Variants in SEPTIN5 observed in about 807,000 individuals in gnomAD.
SEPTIN5 encodes the protein septin-5.
SEPTIN5 carries 16 observed loss-of-function variants against 51.2 expected under a neutral mutation model. The observed-to-expected ratio is 0.31, with a 90% CI of 0.21 to 0.47. SEPTIN5 has a LOEUF of 0.47. Ranked by LOEUF, SEPTIN5 falls within the 20% of genes least tolerant of loss-of-function variation. SEPTIN5 has a pLI of 0.99. For missense variants in SEPTIN5, 376 were observed against 500.3 expected (o/e 0.75, Z 2.37); for synonymous variants, 208 against 191.2 (o/e 1.09, Z -0.72).
In SEPTIN5 at chr22:19,720,116, G is replaced by A. The variant is rs201213850; in HGVS notation, c.240G>A (p.Glu80=). ...CTTCCAGTGGCCCCTTCCCCGTAGA[G>A]CGCATCAGCCAGACGGTAGAGATTC... ...YKDRKLLSAE[E]RISQTVEILK... Residue 80 remains glutamate, a splice_region_variant and synonymous_variant, in exon 5 of 12, where the codon GAG becomes GAA. Coordinates refer to ENST00000455784, the MANE Select transcript of SEPTIN5 (RefSeq NM_002688.6). 115 of 1,612,952 alleles carry A rather than the reference G, an allele frequency of 7.1e-5. No individual in the cohort carries two copies. Among genetic ancestry groups the A allele is most frequent in the Non-Finnish European group, 7.5e-5 (88 of 1,180,018 alleles).
rs1180128576 is a variant in SEPTIN5 at position 19,714,700 on chromosome 22, G to A, written c.43+69G>A. ...CCGCCGCCCGCGCGCCTCTCACCGTGTCTCTCCGTCTCTCCCCCGCCCGCC... is the reference window on the plus strand; with the variant it reads ...CCGCCGCCCGCGCGCCTCTCACCGTATCTCTCCGTCTCTCCCCCGCCCGCC... On this transcript the variant is annotated intron_variant, in intron 1 of 11. Transcript: ENST00000455784. This position sits in a 1 kb window ranked among gnomAD's most constrained non-coding sequence, Gnocchi z 5.2. The A allele has an allele frequency of 1.8e-5, 28 of 1,532,030 alleles. No homozygotes were observed. Among genetic ancestry groups the A allele is most frequent in the Non-Finnish European group, 2.4e-5 (28 of 1,144,470 alleles). 94.9% of individuals were successfully genotyped at this position (1,532,030 alleles called of 1,614,324 possible). A position where few individuals can be genotyped will look rare whatever the true frequency, so the allele number is the denominator to read the frequency against.
In SEPTIN5 at chr22:19,719,869, A is replaced by C. The variant is rs1179337146; in HGVS notation, c.215A>C (p.Asp72Ala). ...HSLFLTDLYK[D>A]RKLLSAEERI... The stretch of plus-strand genomic sequence containing the variant: ...CTCTTCCTGACAGACTTGTACAAGG[A>C]CCGGAAGCTGCTCAGTGCTGAGGGT... Residue 72 changes from aspartate to alanine, a missense_variant, in exon 4 of 12, where the codon GAC becomes GCC. By Grantham distance (126) the Asp-to-Ala change is moderately radical. This residue lies in a region of SEPTIN5 where 287 missense variants were observed against 417.1 expected (regional missense o/e 0.69). Transcript: ENST00000455784. 6.2e-7 allele frequency: 1 copy of C among 1,612,974 alleles called. No homozygotes were observed. Among genetic ancestry groups the C allele is most frequent in the Non-Finnish European group, 8.5e-7 (1 of 1,179,926 alleles).
At chr22:19,722,069 A>C (rs1753833856) in intron 10 of SEPTIN5, 112 bp downstream of exon 10, 26 of 1,339,952 alleles carry the variant, frequency 1.9e-5, no homozygotes, top group South Asian at 1.5e-4. Flanking sequence ...ACCATTCCCT[A>C]AGCCCCCCCC....
At chr22:19,720,890 G>A in intron 8 of SEPTIN5, 21 bp downstream of exon 8, 1 of 1,602,246 alleles carries the variant, frequency 6.2e-7, no homozygotes, top group Non-Finnish European at 8.5e-7. Context: ...AGACTGGTGG[G>A]GCAGGGGGGA....
At position 19,722,621 on chromosome 22, in the gene SEPTIN5, A is replaced by T; in HGVS notation, c.*137A>T. 1 of 908,648 alleles carries T rather than the reference A, an allele frequency of 1.1e-6. No individual in the cohort carries two copies. 56.3% of individuals were successfully genotyped at this position (908,648 alleles called of 1,614,324 possible). ...TTTATTCTCAGCACCACCCCCTCCC[A>T]GGTCATTGTGTCTGTTTCCGAGGGG... On this transcript the variant is annotated 3_prime_UTR_variant, in exon 12 of 12. Transcript: ENST00000455784.
intron 2 of SEPTIN5, 138 bp from the exon 3 acceptor site, chr22:19,719,464 C>A: frequency 1.5e-6 from 1 of 678,422 alleles, no homozygotes; most frequent in Non-Finnish European, 2.5e-6. Flanking sequence ...CGGGCCCTCC[C>A]CTTATTTTTG....
At position 19,719,870 on chromosome 22, in the gene SEPTIN5, C is replaced by A; in HGVS notation, c.216C>A (p.Asp72Glu). The A allele has an allele frequency of 6.2e-7, 1 of 1,612,980 alleles. No homozygotes were observed. Among genetic ancestry groups the A allele is most frequent in the Non-Finnish European group, 8.5e-7 (1 of 1,179,924 alleles). ...HSLFLTDLYK[D>E]RKLLSAEERI... ...TCTTCCTGACAGACTTGTACAAGGA[C>A]CGGAAGCTGCTCAGTGCTGAGGGTG... The change falls in exon 4 of 12, where the codon GAC becomes GAA. Residue 72 changes from aspartate to glutamate, a missense_variant. By Grantham distance (45) the Asp-to-Glu change is conservative. Around this residue, in one of 2 missense-constraint regions of SEPTIN5, gnomAD observed 287 missense variants for 417.1 expected, o/e 0.69. Transcript: ENST00000455784.
rs770203065 is a variant in SEPTIN5 at position 19,722,501 on chromosome 22, AC to A, written c.*19del. Reference sequence around the variant, plus strand: ...GACCAGTGACGCTCGCCGCGGACACACCGTCCGTCTCCGGGACGCCCTCGCA... The same window carrying A: ...GACCAGTGACGCTCGCCGCGGACACACGTCCGTCTCCGGGACGCCCTCGCA... On this transcript the variant is annotated 3_prime_UTR_variant, in exon 12 of 12. Transcript: ENST00000455784. 26 of 1,582,490 alleles carry A rather than the reference AC, an allele frequency of 1.6e-5. No individual in the cohort carries two copies. In the South Asian group the frequency reaches 2.7e-4, roughly 17 times the overall value.
intron 2 of SEPTIN5, chr22:19,717,760 G>A: frequency 3.9e-6 from 1 of 255,828 alleles, no homozygotes; most frequent in South Asian, 4.0e-5. Flanking sequence ...TTGGGAAAGA[G>A]TCCACCAAAC....
Position 19,721,964 on chromosome 22 carries a change from G to A in SEPTIN5, c.950+7G>A, listed in dbSNP as rs754615114. On this transcript the variant is annotated splice_region_variant and intron_variant, in intron 10 of 11. Coordinates refer to ENST00000455784, the MANE Select transcript of SEPTIN5 (RefSeq NM_002688.6). ...GCATCCAGCAGATGACCAGGTGCGCGCCCCAGCCGCGAGCCAGACCTCGCC... is the reference window on the plus strand; with the variant it reads ...GCATCCAGCAGATGACCAGGTGCGCACCCCAGCCGCGAGCCAGACCTCGCC... 9.9e-5 allele frequency: 159 copies of A among 1,599,922 alleles called. No individual in the cohort carries two copies. Among genetic ancestry groups the A allele is most frequent in the Middle Eastern group, 1.9e-4 (1 of 5,230 alleles).
chr22:19,722,501 ACCGT>A lies in SEPTIN5; in HGVS notation c.*23_*26del. 1.3e-6 allele frequency: 2 copies of A among 1,582,490 alleles called. No homozygotes were observed. Among genetic ancestry groups the A allele is most frequent in the Non-Finnish European group, 1.7e-6 (2 of 1,164,524 alleles). ...GACCAGTGACGCTCGCCGCGGACAC[ACCGT>A]CCGTCTCCGGGACGCCCTCGCACCC... On this transcript the variant is annotated 3_prime_UTR_variant, in exon 12 of 12. Transcript: ENST00000455784.
rs760863742 is a variant in SEPTIN5 at position 19,720,130 on chromosome 22, C to T, written c.254C>T (p.Thr85Met). ...TTCCCCGTAGAGCGCATCAGCCAGA[C>T]GGTAGAGATTCTAAAACACACGGTG... ...LLSAEERISQTVEILKHTVDI... is the reference protein window; with the variant it reads ...LLSAEERISQMVEILKHTVDI... The change falls in exon 5 of 12, where the codon ACG (threonine) becomes ATG (methionine). Residue 85 changes from threonine (T) to methionine (M), a missense_variant. Thr to Met is a moderately conservative substitution (Grantham distance 81). Around this residue, in one of 2 missense-constraint regions of SEPTIN5, gnomAD observed 287 missense variants for 417.1 expected, o/e 0.69. Transcript: ENST00000455784. 2 of 1,613,044 alleles carry T rather than the reference C, an allele frequency of 1.2e-6. No individual in the cohort carries two copies. The highest frequency in any genetic ancestry group is 1.3e-5 in the African/African-American group (1 of 74,936).
chr22:19,720,953 T>C, intron 8 of SEPTIN5, 84 bp downstream of exon 8: 2 of 1,267,502 alleles, frequency 1.6e-6, no homozygotes, highest in East Asian at 4.7e-5. Flanking sequence ...ACATTGAGCC[T>C]GCTGGAGGAG....
In SEPTIN5 at chr22:19,722,157, G is replaced by A; in HGVS notation, c.951-80G>A. 4 of 1,239,474 alleles carry A rather than the reference G, an allele frequency of 3.2e-6. No individual in the cohort carries two copies. In the South Asian group the frequency reaches 5.9e-5, roughly 18 times the overall value. The allele number at this position is 1,239,474 out of a possible 1,614,324, so 76.8% of individuals were successfully genotyped here. On this transcript the variant is annotated intron_variant, in intron 10 of 11. Transcript: ENST00000455784. The stretch of plus-strand genomic sequence containing the variant: ...GGAGGGCAGGGCCTCAGCAGTGGCG[G>A]GGATGGGCCAGGCATCGCCAGCCCA...
rs1936081385 is a variant in SEPTIN5 at position 19,723,020 on chromosome 22, C to T, written c.*536C>T. The stretch of plus-strand genomic sequence containing the variant: ...TGGGAGCCCTCCAGACATAAGGAGG[C>T]CAGAGGCTGCAAGGAGCGGGGTCGT... On this transcript the variant is annotated 3_prime_UTR_variant, in exon 12 of 12. Transcript: ENST00000455784. 2.2e-6 allele frequency: 1 copy of T among 459,910 alleles called. No homozygotes were observed. 28.5% of individuals were successfully genotyped at this position (459,910 alleles called of 1,614,324 possible). A position where few individuals can be genotyped will look rare whatever the true frequency, so the allele number is the denominator to read the frequency against.
intron 2 of SEPTIN5, chr22:19,718,710 TGCCC>T (rs1436341187): frequency 1.7e-5 from 21 of 1,256,838 alleles, no homozygotes; most frequent in Middle Eastern, 2.2e-4. Context: ...GGTCCGAGCG[TGCCC>T]CCGGGCCTGG....
chr22:19,722,220 C>T lies in SEPTIN5; in HGVS notation c.951-17C>T, dbSNP rs765901339. 5.2e-6 allele frequency: 8 copies of T among 1,527,786 alleles called. No individual in the cohort carries two copies. The highest frequency in any genetic ancestry group is 2.3e-5 in the East Asian group (1 of 42,838). 94.6% of individuals were successfully genotyped at this position (1,527,786 alleles called of 1,614,324 possible). On this transcript the variant is annotated splice_polypyrimidine_tract_variant and intron_variant, in intron 10 of 11. Coordinates refer to ENST00000455784, the MANE Select transcript of SEPTIN5 (RefSeq NM_002688.6). ...CGGTGGCGCCGCCCCGCCCATCCTC[C>T]CCCCCGCCCCGCGCAGCAAACTGAC... is the stretch of plus-strand genomic sequence containing the variant.
chr22:19,720,731 T>C (rs760108421), intron 7 of SEPTIN5, 37 bp from the exon 8 acceptor site: 2 of 1,612,262 alleles, frequency 1.2e-6, no homozygotes, highest in South Asian at 1.1e-5. Flanking sequence ...GGGGGACTTG[T>C]CTGGCCTCAA....
chr22:19,719,089 G>T, intron 2 of SEPTIN5: 2 of 333,836 alleles, frequency 6.0e-6, no homozygotes, highest in East Asian at 9.1e-5. Flanking sequence ...CTGGGCGCGC[G>T]GGCGGGGGAG....
Sources: allele counts gnomAD v4.1 joint callset, GRCh38; gene constraint gnomAD v4.1.1; regional missense constraint gnomAD v4.1.1; non-coding constraint Gnocchi (gnomAD v3.1); transcripts MANE v1.5; gene names NCBI Gene and HGNC (gene_info 2026-07-23, HGNC 2026-07-21).